Variants in CACNA2D4 observed in about 807,000 individuals in gnomAD.
CACNA2D4 encodes calcium voltage-gated channel auxiliary subunit alpha2delta 4, also known as voltage-dependent calcium channel subunit alpha-2/delta-4.
A neutral mutation model predicts 163.8 loss-of-function variants in CACNA2D4; 157 were observed. The ratio of observed to expected loss-of-function variants is 0.96; its 90% CI spans 0.84 to 1.09. The LOEUF is 1.09. Among genes scored for constraint, CACNA2D4 ranks in the 50% least tolerant of loss-of-function variants. The probability of loss-of-function intolerance (pLI) is 0.00; values close to 1 mark genes in which losing one functional copy is unlikely to be tolerated. For missense variants in CACNA2D4, 1,410 were observed against 1,479.9 expected (o/e 0.95, Z 0.78); for synonymous variants, 598 against 586.9 (o/e 1.02, Z -0.27).
At chr12:1,859,634 T>C (rs1440347131) in intron 19 of CACNA2D4, among the ~76,000 whole-genome samples, 8 of 152,122 alleles carry the variant, frequency 5.3e-5, no homozygotes, top group African/African-American at 1.9e-4. Context: ...AAAGCAGCAG[T>C]TATTGTCACC....
chr12:1,911,372 G>A (rs1424454362), intron 3 of CACNA2D4, among the ~76,000 whole-genome samples: 3 of 152,038 alleles, frequency 2.0e-5, no homozygotes, highest in Non-Finnish European at 4.4e-5. Flanking sequence ...GTCAGGGGAA[G>A]TCAGGGTGGG....
rs759708625 is a variant in CACNA2D4, at chr12:1,882,957, G to T, written c.1395C>A (p.Asn465Lys). The T allele has an allele frequency of 6.2e-7, 1 of 1,613,354 alleles. No homozygotes were observed. Among genetic ancestry groups the T allele is most frequent in the South Asian group, 1.1e-5 (1 of 90,842 alleles). The change falls in exon 13 of 38, where the codon AAC (asparagine) becomes AAA (lysine). Residue 465 changes from asparagine to lysine, a missense_variant. Physicochemically the swap from Asn to Lys is moderately conservative, Grantham distance 94. Coordinates refer to ENST00000382722, the MANE Select transcript of CACNA2D4 (RefSeq NM_172364.5). ...QISTLADTQE[N>K]VMEYLHVLSR... ...TGAGCACGTGCAGGTATTCCATCAC[G>T]TTCTCCTGGGTGTCCGCCAGCGTTG...
At position 1,823,023 on chromosome 12, in the gene CACNA2D4, C is replaced by T. The variant is rs555919149; in HGVS notation, c.2552-11300G>A. 7.2e-5 allele frequency among the ~76,000 whole-genome samples: 11 copies of T among 152,268 alleles called. 1 individual carries two copies. Among genetic ancestry groups the T allele is most frequent in the South Asian group, 4.1e-4 (2 of 4,826 alleles). ...CTGGCCTTCTGCAGAGTGAAGGGGGCGGCAGAGTAGGCTGCAAATGCCCCC... is the reference window on the plus strand; with the variant it reads ...CTGGCCTTCTGCAGAGTGAAGGGGGTGGCAGAGTAGGCTGCAAATGCCCCC... On this transcript the variant is annotated intron_variant, in intron 26 of 37. Transcript: ENST00000382722.
At chr12:1,814,871 T>C (rs1362723620) in intron 26 of CACNA2D4, among the ~76,000 whole-genome samples, 1 of 152,184 alleles carries the variant, frequency 6.6e-6, no homozygotes, top group African/African-American at 2.4e-5. Flanking sequence ...CCCTCTAATG[T>C]CGTCCCATTG....
chr12:1,879,062 G>A lies in CACNA2D4; in HGVS notation c.1564-26C>T, dbSNP rs775925521. On this transcript the variant is annotated intron_variant, in intron 14 of 37. Transcript: ENST00000382722. ...CTGGAAGGAAAGACACAAGGGGTGG[G>A]GGAGACCCAGCTTCCCTGTGTACAA... 8.8e-6 allele frequency: 14 copies of A among 1,596,612 alleles called. No individual in the cohort carries two copies. In the African/African-American group the frequency reaches 1.7e-4, roughly 20 times the overall value.
chr12:1,829,111 C>T lies in CACNA2D4; in HGVS notation c.2551+11628G>A, dbSNP rs548273522. On this transcript the variant is annotated intron_variant, in intron 26 of 37. Transcript: ENST00000382722. The surrounding 1 kb of genome is among the most constrained non-coding windows in gnomAD (Gnocchi z 4.2). ...TAGAATCACTCAACACCTCGCAATA[C>T]GGGCTTATGTTTTCTTGTCACTGGA... is the stretch of plus-strand genomic sequence containing the variant. 1.1e-4 allele frequency among the ~76,000 whole-genome samples: 16 copies of T among 152,322 alleles called. No individual in the cohort carries two copies. The highest frequency in any genetic ancestry group is 4.1e-4 in the South Asian group (2 of 4,824).
intron 6 of CACNA2D4, among the ~76,000 whole-genome samples, chr12:1,895,347 C>T (rs887345665): frequency 3.9e-5 from 6 of 151,948 alleles, no homozygotes; most frequent in African/African-American, 1.5e-4. Flanking sequence ...ATACCAATGC[C>T]ATTTTTCACA....
chr12:1,901,156 T>C (rs1866527642), intron 6 of CACNA2D4, among the ~76,000 whole-genome samples: 1 of 152,090 alleles, frequency 6.6e-6, no homozygotes, highest in African/African-American at 2.4e-5. Context: ...AAACAAATGA[T>C]AATGGAAACA....
intron 18 of CACNA2D4, among the ~76,000 whole-genome samples, chr12:1,868,061 C>A (rs1374462945): frequency 6.6e-6 from 1 of 152,100 alleles, no homozygotes; most frequent in Non-Finnish European, 1.5e-5. Flanking sequence ...TATGGAGGAG[C>A]CTAAAGAAAT....
rs1327557211 is a variant in CACNA2D4, at chr12:1,913,118, T to C, written c.331A>G (p.Ser111Gly). The C allele has an allele frequency of 3.7e-6, 6 of 1,613,268 alleles. No homozygotes were observed. The highest frequency in any genetic ancestry group is 1.6e-4 in the Middle Eastern group (1 of 6,062). The change falls in exon 3 of 38, where the codon AGT (serine) becomes GGT (glycine). Residue 111 changes from serine (S) to glycine (G), a missense_variant. By Grantham distance (56) the Ser-to-Gly change is moderately conservative (BLOSUM62 0). Coordinates refer to ENST00000382722, the MANE Select transcript of CACNA2D4 (RefSeq NM_172364.5). ...CCATCCACCTCCTCGATCTTCAGAC[T>C]GGACTCCACATCCTTGTACTTCTGT... ...LQKKYKDVES[S>G]LKIEEVDGLE...
In CACNA2D4 at chr12:1,913,045, C is replaced by T. The variant is rs753921645; in HGVS notation, c.404G>A (p.Arg135Gln). ...TACCTGGACCGCCTCGACTTTCCTCCGCAGCATGTTCTCCATGTCCTCTGA... is the reference window on the plus strand; with the variant it reads ...TACCTGGACCGCCTCGACTTTCCTCTGCAGCATGTTCTCCATGTCCTCTGA... ...KFSEDMENMLRRKVEAVQNLV... is the reference protein window; with the variant it reads ...KFSEDMENMLQRKVEAVQNLV... Residue 135 changes from arginine (R) to glutamine (Q), a missense_variant, in exon 3 of 38, where the codon CGG becomes CAG. Arg to Gln is a conservative substitution (Grantham distance 43, BLOSUM62 1). Transcript: ENST00000382722. 6.2e-6 allele frequency: 10 copies of T among 1,613,284 alleles called. No individual in the cohort carries two copies. The highest frequency in any genetic ancestry group is 2.7e-5 in the African/African-American group (2 of 74,890).
intron 1 of CACNA2D4, among the ~76,000 whole-genome samples, chr12:1,916,587 A>G (rs958117217): frequency 3.9e-5 from 6 of 152,118 alleles, no homozygotes; most frequent in African/African-American, 1.4e-4. Context: ...GAGGAGGAGC[A>G]CTTGAGGACA....
At chr12:1,800,664 C>G in intron 31 of CACNA2D4, 1 of 601,294 alleles carries the variant, frequency 1.7e-6, no homozygotes, top group Non-Finnish European at 3.0e-6. Flanking sequence ...GGTCAGACAT[C>G]TCGGGTGGGG....
chr12:1,901,294 A>G (rs1218231020), intron 6 of CACNA2D4, among the ~76,000 whole-genome samples: 3 of 152,116 alleles, frequency 2.0e-5, no homozygotes, highest in Non-Finnish European at 4.4e-5. Flanking sequence ...AGAACTAGAA[A>G]AACAAAAGCA....
chr12:1,888,101 G>T (rs1266919104), intron 6 of CACNA2D4, among the ~76,000 whole-genome samples: 1 of 152,156 alleles, frequency 6.6e-6, no homozygotes, highest in Non-Finnish European at 1.5e-5. Flanking sequence ...TGGTGTGATG[G>T]GAGCTTGAGT....
At chr12:1,846,561 G>A in intron 24 of CACNA2D4, 33 bp downstream of exon 24, 1 of 1,524,686 alleles carries the variant, frequency 6.6e-7, no homozygotes, top group South Asian at 1.2e-5. Context: ...GCCCTGCAGG[G>A]ATTGCCCTCC....
At chr12:1,818,386 A>C (rs941331545) in intron 26 of CACNA2D4, among the ~76,000 whole-genome samples, 1 of 151,920 alleles carries the variant, frequency 6.6e-6, no homozygotes, top group Non-Finnish European at 1.5e-5. Flanking sequence ...CTGTGTAGAA[A>C]GAAGTAGACA....
intron 26 of CACNA2D4, among the ~76,000 whole-genome samples, chr12:1,817,450 G>A (rs1863913652): frequency 6.6e-6 from 1 of 151,968 alleles, no homozygotes; most frequent in Non-Finnish European, 1.5e-5. Flanking sequence ...CTCTGTGTAG[G>A]AAAGGAGATG....
intron 18 of CACNA2D4, among the ~76,000 whole-genome samples, chr12:1,871,596 G>C (rs1252825282): frequency 6.6e-6 from 1 of 151,230 alleles, no homozygotes; most frequent in Admixed American, 6.6e-5. Context: ...GTGTATGTGT[G>C]TACACATGTA....
Sources: gnomAD v4.1 joint callset for allele counts (sites outside exome capture counted in the v4.1 genomes callset) on GRCh38, gnomAD v4.1.1 for gene constraint, Gnocchi (gnomAD v3.1) non-coding constraint, MANE v1.5 for transcripts, NCBI Gene and HGNC (gene_info 2026-07-23, HGNC 2026-07-21) for gene names.